ANKS1B: variants seen among roughly 807,000 people sequenced by gnomAD.
ANKS1B encodes ankyrin repeat and sterile alpha motif domain-containing protein 1B.
Under a neutral mutation model 148.3 loss-of-function variants are expected in ANKS1B, and 36 were observed. That is an observed-to-expected ratio of 0.24 (90% CI 0.19 to 0.32). The LOEUF is 0.32. Among genes scored for constraint, ANKS1B ranks in the 10% least tolerant of loss-of-function variants. ANKS1B has a pLI of 1.00. For synonymous variants in ANKS1B, 542 were observed against 560.8 expected (o/e 0.97, Z 0.47); for missense variants, 1,157 against 1,542.6 (o/e 0.75, Z 4.19).
intron 9 of ANKS1B, among the ~76,000 whole-genome samples, chr12:99,553,309 T>C (rs924711001): frequency 6.6e-6 from 1 of 152,192 alleles, no homozygotes; most frequent in Non-Finnish European, 1.5e-5. Flanking sequence ...GGTTTGTTAA[T>C]ATTTTCCTTA....
chr12:99,129,331 T>C (rs540819544), intron 15 of ANKS1B, among the ~76,000 whole-genome samples: 77 of 152,206 alleles, frequency 5.1e-4, no homozygotes, highest in African/African-American at 1.8e-3. Flanking sequence ...AAGCAAACCA[T>C]TGGCTAAAAC....
intron 17 of ANKS1B, among the ~76,000 whole-genome samples, chr12:99,051,348 T>G (rs560059208): frequency 6.6e-6 from 1 of 152,334 alleles, no homozygotes; most frequent in South Asian, 2.1e-4. Flanking sequence ...GCTAGCTAGG[T>G]GAGTGATTCA....
chr12:99,329,459 T>C (rs1566905208), intron 12 of ANKS1B, among the ~76,000 whole-genome samples: 1 of 151,904 alleles, frequency 6.6e-6, no homozygotes, highest in Non-Finnish European at 1.5e-5. Context: ...TTCCTTGAAA[T>C]GAGTTTACAG....
rs529885992 is a variant in ANKS1B at position 98,829,526 on chromosome 12, G to A, written c.2887-173C>T. 5.3e-5 allele frequency among the ~76,000 whole-genome samples: 8 copies of A among 152,208 alleles called. No individual in the cohort carries two copies. The East Asian group carries it at 7.7e-4, about 15-fold the overall frequency. On this transcript the variant is annotated intron_variant, in intron 18 of 26. Coordinates refer to ENST00000683438, the MANE Select transcript of ANKS1B (RefSeq NM_001352186.2). The surrounding 1 kb of genome is among the most constrained non-coding windows in gnomAD (Gnocchi z 5.2). ...ATTAATGGCATGATCTAGTCAATAC[G>A]TTTTTCCCCTAAGTATTTCAGGTCA... is the stretch of plus-strand genomic sequence containing the variant.
chr12:99,830,646 A>AG lies in ANKS1B; in HGVS notation c.135-5258_135-5257insC, dbSNP rs1334590291. On this transcript the variant is annotated intron_variant, in intron 1 of 26. Transcript: ENST00000683438. Reference sequence around the variant, plus strand: ...GCTGACATCTGAAAGAAGCAAAAAAAAAAAAAAAGGAAAACATCATTCAAT... The same window carrying AG: ...GCTGACATCTGAAAGAAGCAAAAAAAGAAAAAAAAGGAAAACATCATTCAAT... Among the ~76,000 whole-genome samples the AG allele has an allele frequency of 3.9e-5, 6 of 152,124 alleles. No homozygotes were observed. The East Asian group carries it at 1.2e-3, about 29-fold the overall frequency.
chr12:98,939,870 T>G (rs2099833769), intron 17 of ANKS1B, among the ~76,000 whole-genome samples: 1 of 152,244 alleles, frequency 6.6e-6, no homozygotes, highest in Non-Finnish European at 1.5e-5. Context: ...TAATTGGTTC[T>G]TGACTTCAGT....
At position 99,292,543 on chromosome 12, in the gene ANKS1B, A is replaced by T. The variant is rs2080166308; in HGVS notation, c.1757-45679T>A. ...AAAAAAAAAACGAAACAAAACAACT[A>T]CCATCAGAGTGAGCAGGCAACCTAC... On this transcript the variant is annotated intron_variant, in intron 12 of 26. Coordinates refer to ENST00000683438, the MANE Select transcript of ANKS1B (RefSeq NM_001352186.2). Among the ~76,000 whole-genome samples the T allele has an allele frequency of 2.0e-5, 3 of 151,036 alleles. No individual in the cohort carries two copies. The South Asian group carries it at 6.3e-4, about 31-fold the overall frequency.
At chr12:98,753,156 C>T (rs1312821511) in intron 25 of ANKS1B, among the ~76,000 whole-genome samples, 2 of 152,200 alleles carry the variant, frequency 1.3e-5, no homozygotes, top group Non-Finnish European at 2.9e-5. Context: ...TCTTTTCTTC[C>T]GACCTTCAAT....
intron 17 of ANKS1B, among the ~76,000 whole-genome samples, chr12:98,989,758 T>A (rs894780258): frequency 6.6e-6 from 1 of 152,044 alleles, no homozygotes; most frequent in African/African-American, 2.4e-5. Flanking sequence ...CTGGGTGCAA[T>A]GGCATGTAGC....
At chr12:99,315,383 CATCAA>C (rs538178792) in intron 12 of ANKS1B, among the ~76,000 whole-genome samples, 1 of 151,978 alleles carries the variant, frequency 6.6e-6, no homozygotes, top group African/African-American at 2.4e-5. Context: ...AAAACAACCC[CATCAA>C]AAAGTGGGAA....
chr12:98,810,071 C>T (rs2099082615), intron 19 of ANKS1B, among the ~76,000 whole-genome samples: 1 of 152,204 alleles, frequency 6.6e-6, no homozygotes, highest in Non-Finnish European at 1.5e-5. Context: ...AGGTACTGGC[C>T]TTAAGAGAAG....
intron 12 of ANKS1B, among the ~76,000 whole-genome samples, chr12:99,349,807 A>C (rs926902379): frequency 6.6e-6 from 1 of 152,062 alleles, no homozygotes; most frequent in Non-Finnish European, 1.5e-5. Flanking sequence ...AATGACTTCA[A>C]TGATACTGTA....
chr12:99,905,963 G>T (rs1207052912), intron 1 of ANKS1B, among the ~76,000 whole-genome samples: 1 of 152,184 alleles, frequency 6.6e-6, no homozygotes, highest in Non-Finnish European at 1.5e-5. Context: ...TCTAACAGAG[G>T]TTAGATGAAT....
intron 14 of ANKS1B, among the ~76,000 whole-genome samples, chr12:99,169,680 C>T (rs2077549748): frequency 6.6e-6 from 1 of 152,206 alleles, no homozygotes; most frequent in Non-Finnish European, 1.5e-5. Flanking sequence ...CATTTATTTA[C>T]TGGGAGTCAG....
chr12:99,378,221 C>A (rs1237615919), intron 12 of ANKS1B, among the ~76,000 whole-genome samples: 1 of 152,136 alleles, frequency 6.6e-6, no homozygotes, highest in Non-Finnish European at 1.5e-5. Flanking sequence ...TTTCATCAGA[C>A]TTACAGGGAA....
At chr12:99,857,257 A>C (rs2089289114) in intron 1 of ANKS1B, among the ~76,000 whole-genome samples, 1 of 152,188 alleles carries the variant, frequency 6.6e-6, no homozygotes, top group Admixed American at 6.5e-5. Context: ...GCTGAGAATC[A>C]AATCAAGAAC....
chr12:99,943,159 A>C (rs187458188), intron 1 of ANKS1B, among the ~76,000 whole-genome samples: 1 of 152,136 alleles, frequency 6.6e-6, no homozygotes, highest in East Asian at 1.9e-4. Context: ...AAAAAATGAA[A>C]CTCTGATCAA....
At chr12:99,513,720 T>C (rs1197535514) in intron 9 of ANKS1B, among the ~76,000 whole-genome samples, 3 of 151,990 alleles carry the variant, frequency 2.0e-5, no homozygotes, top group Non-Finnish European at 4.4e-5. Flanking sequence ...CTCAAACACA[T>C]TTATTTCTCT....
chr12:99,105,534 C>T lies in ANKS1B; in HGVS notation c.2527-20511G>A, dbSNP rs186663380. Among the ~76,000 whole-genome samples, 504 of 150,656 alleles carry T rather than the reference C, an allele frequency of 3.3e-3. 1 individual carries two copies. The highest frequency in any genetic ancestry group is 0.012 in the African/African-American group (489 of 41,024). On this transcript the variant is annotated intron_variant, in intron 15 of 26. Transcript: ENST00000683438. ...TTAAAAACAAAATTTTTTGGGAGGC[C>T]GAGGCGGGCGGATCACAAGGTCAGG...
Sources: gnomAD v4.1 joint callset for allele counts (sites outside exome capture counted in the v4.1 genomes callset) on GRCh38, gnomAD v4.1.1 for gene constraint, Gnocchi (gnomAD v3.1) non-coding constraint, MANE v1.5 for transcripts, NCBI Gene and HGNC (gene_info 2026-07-23, HGNC 2026-07-21) for gene names.